Variants in ZCWPW2 observed in about 807,000 individuals in gnomAD.
ZCWPW2 encodes zinc finger CW-type PWWP domain protein 2.
Under a neutral mutation model 46.6 loss-of-function variants are expected in ZCWPW2, and 45 were observed. The observed-to-expected ratio is 0.96, with a 90% CI of 0.76 to 1.24. ZCWPW2 has a LOEUF of 1.24. Ranked by LOEUF, ZCWPW2 falls within the 50% of genes most tolerant of loss-of-function variation. The pLI is 0.00. For missense variants in ZCWPW2, 429 were observed against 403.9 expected (o/e 1.06, Z -0.53); for synonymous variants, 152 against 137.1 (o/e 1.11, Z -0.76).
At chr3:28,477,539 A>G (rs139989752) in intron 4 of ZCWPW2, among the ~76,000 whole-genome samples, 9 of 152,324 alleles carry the variant, frequency 5.9e-5, no homozygotes, top group Non-Finnish European at 1.0e-4. Flanking sequence ...AATAACTGTA[A>G]TAGAAGTCAG....
At chr3:28,499,983 A>G (rs765059772) in intron 6 of ZCWPW2, among the ~76,000 whole-genome samples, 1 of 152,050 alleles carries the variant, frequency 6.6e-6, no homozygotes, top group Non-Finnish European at 1.5e-5. Flanking sequence ...GCTTTAAAAG[A>G]CTGCTCTTTT....
In ZCWPW2 at chr3:28,435,379, G is replaced by A. The variant is rs545736199; in HGVS notation, c.492+110G>A. 1.5e-5 allele frequency: 14 copies of A among 946,548 alleles called. No individual in the cohort carries two copies. The South Asian group carries it at 1.6e-4, about 11-fold the overall frequency. The allele number at this position is 946,548 out of a possible 1,614,324, so 58.6% of individuals were successfully genotyped here. ...TAAGTTGCTTTTAGATTGATATAAT[G>A]TATGCTGTTTATTTAATTCAAATAT... On this transcript the variant is annotated intron_variant, in intron 4 of 9. Transcript: ENST00000383768.
intron 2 of ZCWPW2, among the ~76,000 whole-genome samples, chr3:28,400,842 A>C (rs1695893479): frequency 6.6e-6 from 1 of 152,180 alleles, no homozygotes; most frequent in Non-Finnish European, 1.5e-5. Flanking sequence ...AACCTCTTTA[A>C]AGCATAAATT....
intron 1 of ZCWPW2, among the ~76,000 whole-genome samples, chr3:28,366,636 A>T (rs1159009110): frequency 1.3e-5 from 2 of 150,526 alleles, no homozygotes; most frequent in Admixed American, 6.6e-5. Context: ...ACACTTTGGT[A>T]TCAGGATGAT....
chr3:28,460,465 CT>C (rs1698588238), intron 4 of ZCWPW2, among the ~76,000 whole-genome samples: 1 of 152,050 alleles, frequency 6.6e-6, no homozygotes, highest in Non-Finnish European at 1.5e-5. Flanking sequence ...AATAAGCTGT[CT>C]AAATAAACCA....
intron 6 of ZCWPW2, among the ~76,000 whole-genome samples, chr3:28,501,830 C>G (rs550005426): frequency 9.8e-4 from 149 of 152,192 alleles, no homozygotes; most frequent in Non-Finnish European, 1.8e-3. Context: ...ATCACTGAAG[C>G]CTTCACCTCC....
At chr3:28,445,764 G>A (rs951723203) in intron 4 of ZCWPW2, among the ~76,000 whole-genome samples, 1 of 151,996 alleles carries the variant, frequency 6.6e-6, no homozygotes, top group African/African-American at 2.4e-5. Context: ...AAAAAGACAC[G>A]ATCTTACTAT....
intron 1 of ZCWPW2, among the ~76,000 whole-genome samples, chr3:28,354,464 A>G (rs1374523908): frequency 2.1e-5 from 3 of 140,902 alleles, no homozygotes; most frequent in African/African-American, 5.1e-5. Context: ...AACTATTCCA[A>G]TCAATAGAAA....
intron 8 of ZCWPW2, among the ~76,000 whole-genome samples, chr3:28,519,337 C>T (rs6781639): frequency 0.17 from 25,307 of 151,998 alleles, 2,455 homozygotes; most frequent in East Asian, 0.46. Flanking sequence ...TGTGTTCCTG[C>T]CCCTTAGTAG....
intron 4 of ZCWPW2, chr3:28,461,012 T>A (rs1437763047): frequency 3.8e-6 from 1 of 265,504 alleles, no homozygotes; most frequent in Admixed American, 3.4e-5. Flanking sequence ...TACAGACATA[T>A]AAGAAATAAT....
chr3:28,467,458 C>G (rs1478876616), intron 4 of ZCWPW2, among the ~76,000 whole-genome samples: 1 of 149,876 alleles, frequency 6.7e-6, no homozygotes, highest in African/African-American at 2.5e-5. Flanking sequence ...AAAACAATCA[C>G]AACCTACTGA....
At chr3:28,515,269 T>C (rs1236936582) in intron 7 of ZCWPW2, among the ~76,000 whole-genome samples, 1 of 152,154 alleles carries the variant, frequency 6.6e-6, no homozygotes, top group African/African-American at 2.4e-5. Context: ...CTTTATATAA[T>C]GACAGTAACA....
At chr3:28,463,876 G>GGGAA (rs928703655) in intron 4 of ZCWPW2, among the ~76,000 whole-genome samples, 3 of 150,482 alleles carry the variant, frequency 2.0e-5, no homozygotes, top group East Asian at 2.0e-4. Context: ...GAGGAAAGGA[G>GGGAA]GGAAGGAAGG....
At chr3:28,510,989 C>T (rs1282837642) in intron 6 of ZCWPW2, 1 of 449,538 alleles carries the variant, frequency 2.2e-6, no homozygotes, top group Non-Finnish European at 4.5e-6. Context: ...CTGGTAGCTA[C>T]ATTCTGGAAC....
intron 1 of ZCWPW2, among the ~76,000 whole-genome samples, chr3:28,368,939 A>G (rs1013512501): frequency 6.6e-6 from 1 of 152,000 alleles, no homozygotes; most frequent in African/African-American, 2.4e-5. Flanking sequence ...CCTTTCTTCC[A>G]GTTGATCAAA....
chr3:28,464,750 T>G (rs1007063822), intron 4 of ZCWPW2, among the ~76,000 whole-genome samples: 1 of 152,200 alleles, frequency 6.6e-6, no homozygotes, highest in Non-Finnish European at 1.5e-5. Flanking sequence ...TAACTTGAAG[T>G]GAAGCTTAGA....
chr3:28,424,768 T>A (rs1471755770), intron 3 of ZCWPW2, among the ~76,000 whole-genome samples: 1 of 152,232 alleles, frequency 6.6e-6, no homozygotes, highest in East Asian at 1.9e-4. Context: ...TACTGAGGGC[T>A]TTTCTGAAGA....
At chr3:28,387,682 G>A (rs982777663) in intron 1 of ZCWPW2, among the ~76,000 whole-genome samples, 4 of 152,106 alleles carry the variant, frequency 2.6e-5, no homozygotes, top group Admixed American at 2.0e-4. Flanking sequence ...ATAAGTTGCA[G>A]TGATATCATA....
chr3:28,350,327 T>G (rs1277328053), intron 1 of ZCWPW2, among the ~76,000 whole-genome samples: 1 of 152,238 alleles, frequency 6.6e-6, no homozygotes, highest in Non-Finnish European at 1.5e-5. Context: ...CGTTCACAAT[T>G]TAAAATAATT....
Sources: allele counts gnomAD v4.1 joint callset (sites outside exome capture counted in the v4.1 genomes callset), GRCh38; gene constraint gnomAD v4.1.1; transcripts MANE v1.5; gene names NCBI Gene and HGNC (gene_info 2026-07-23, HGNC 2026-07-21).